The following DPP6 variants were observed in gnomAD, a reference collection of about 807,000 sequenced individuals.
DPP6 encodes dipeptidyl peptidase like 6.
In DPP6, 69 loss-of-function variants were observed where a neutral mutation model predicts 122.6. That is an observed-to-expected ratio of 0.56 (90% CI 0.46 to 0.69). DPP6 has a LOEUF of 0.69. DPP6 is among the 30% of genes least tolerant of loss of function. The probability of loss-of-function intolerance (pLI) is 0.00; values close to 1 mark genes in which losing one functional copy is unlikely to be tolerated. For missense variants in DPP6, 928 were observed against 1,116.9 expected, an observed-to-expected ratio of 0.83 and a Z score of 2.41; for synonymous variants, 418 against 433.1, an observed-to-expected ratio of 0.97 and a Z score of 0.43.
At chr7:153,918,565 A>ACT (rs1563006095) in intron 1 of DPP6, among the ~76,000 whole-genome samples, 1 of 57,614 alleles carries the variant, frequency 1.7e-5, no homozygotes, top group Admixed American at 2.3e-4. Flanking sequence ...ACACACACAC[A>ACT]GTCTCTCTCT....
intron 6 of DPP6, among the ~76,000 whole-genome samples, chr7:154,651,323 A>G (rs1363271413): frequency 1.3e-5 from 2 of 152,172 alleles, no homozygotes; most frequent in African/African-American, 4.8e-5. Flanking sequence ...CTATTAGACT[A>G]CATAAGAATT....
At chr7:153,928,061 A>G (rs1232317838) in intron 1 of DPP6, among the ~76,000 whole-genome samples, 3 of 152,096 alleles carry the variant, frequency 2.0e-5, no homozygotes, top group African/African-American at 4.8e-5. Flanking sequence ...ATGGTATAAC[A>G]TTAACAATAA....
At chr7:153,918,183 G>A (rs906590452) in intron 1 of DPP6, among the ~76,000 whole-genome samples, 20 of 152,100 alleles carry the variant, frequency 1.3e-4, no homozygotes, top group Admixed American at 8.5e-4. Flanking sequence ...AAATGATGGC[G>A]TCTTATTGGT....
At chr7:154,264,693 T>C (rs1803262002) in intron 1 of DPP6, among the ~76,000 whole-genome samples, 1 of 152,052 alleles carries the variant, frequency 6.6e-6, no homozygotes, top group Non-Finnish European at 1.5e-5. Context: ...GTGTTGATGA[T>C]GATGGTGATA....
intron 1 of DPP6, among the ~76,000 whole-genome samples, chr7:154,276,194 C>A (rs1211677999): frequency 2.0e-5 from 3 of 152,188 alleles, no homozygotes; most frequent in African/African-American, 7.2e-5. Flanking sequence ...CCTGTTAAAA[C>A]CCCATGCGTA....
chr7:154,863,740 G>A lies in DPP6; in HGVS notation c.1715-4255G>A, dbSNP rs1037659895. On this transcript the variant is annotated intron_variant, in intron 17 of 25. Coordinates refer to ENST00000377770, the MANE Select transcript of DPP6 (RefSeq NM_130797.4). The surrounding 1 kb of genome is among the most constrained non-coding windows in gnomAD (Gnocchi z 4.1). Reference sequence around the variant, plus strand: ...TAAGGTGGGAGGATTGCTTGAGCCCGGGTGTTCGAGGCTGCAGTGAGTTAT... The same window carrying A: ...TAAGGTGGGAGGATTGCTTGAGCCCAGGTGTTCGAGGCTGCAGTGAGTTAT... Among the ~76,000 whole-genome samples the A allele has an allele frequency of 2.0e-5, 3 of 151,852 alleles. No homozygotes were observed. Among genetic ancestry groups the A allele is most frequent in the African/African-American group, 2.4e-5 (1 of 41,356 alleles).
At chr7:154,367,947 C>G (rs1812322213) in intron 1 of DPP6, among the ~76,000 whole-genome samples, 2 of 152,158 alleles carry the variant, frequency 1.3e-5, no homozygotes, top group Non-Finnish European at 2.9e-5. Context: ...GCTGTGATTA[C>G]AGGCACCTGC....
intron 3 of DPP6, among the ~76,000 whole-genome samples, chr7:154,476,410 T>A (rs1001254096): frequency 6.6e-6 from 1 of 152,238 alleles, no homozygotes; most frequent in Non-Finnish European, 1.5e-5. Flanking sequence ...CACTGTATGT[T>A]CGTGTACACC....
chr7:154,239,694 T>A (rs904616006), intron 1 of DPP6, among the ~76,000 whole-genome samples: 7 of 151,886 alleles, frequency 4.6e-5, no homozygotes, highest in African/African-American at 1.7e-4. Context: ...AGGGCTGGGC[T>A]GGGCTCAATG....
intron 1 of DPP6, among the ~76,000 whole-genome samples, chr7:154,223,400 C>A (rs1041390189): frequency 2.0e-5 from 3 of 149,220 alleles, no homozygotes; most frequent in Admixed American, 1.3e-4. Context: ...ACTAATGATA[C>A]CCAGTCAGAG....
chr7:154,688,666 G>A (rs746845915), intron 7 of DPP6, among the ~76,000 whole-genome samples: 8 of 152,154 alleles, frequency 5.3e-5, no homozygotes, highest in Non-Finnish European at 8.8e-5. Context: ...GGCCAGCACT[G>A]GAGAAAGATG....
chr7:154,028,609 C>T (rs1427181182), intron 1 of DPP6, among the ~76,000 whole-genome samples: 2 of 151,806 alleles, frequency 1.3e-5, no homozygotes, highest in African/African-American at 4.9e-5. Context: ...TAGAAAGGAT[C>T]CCTGTGGCAA....
intron 10 of DPP6, among the ~76,000 whole-genome samples, chr7:154,778,603 C>T (rs558227780): frequency 6.6e-6 from 1 of 151,944 alleles, no homozygotes; most frequent in East Asian, 1.9e-4. Flanking sequence ...ACCTCTTCCC[C>T]AACCTTCACC....
intron 6 of DPP6, among the ~76,000 whole-genome samples, chr7:154,661,687 C>T (rs1837670478): frequency 6.9e-6 from 1 of 144,768 alleles, no homozygotes; most frequent in Non-Finnish European, 1.5e-5. Context: ...CGCTAGTATT[C>T]ATATAGTCAT....
At chr7:154,729,469 A>G (rs1222674936) in intron 8 of DPP6, among the ~76,000 whole-genome samples, 3 of 152,188 alleles carry the variant, frequency 2.0e-5, no homozygotes, top group Admixed American at 6.5e-5. Context: ...ATTTTTGTAA[A>G]TGGAGGTATA....
At chr7:154,579,146 C>T (rs113410384) in intron 5 of DPP6, among the ~76,000 whole-genome samples, 1,526 of 152,162 alleles carry the variant, frequency 0.01, 24 homozygotes, top group African/African-American at 0.035. Flanking sequence ...GTCAGGAGTT[C>T]GAGACCAGCC....
intron 1 of DPP6, among the ~76,000 whole-genome samples, chr7:154,102,278 C>T (rs575180219): frequency 1.2e-4 from 19 of 152,190 alleles, no homozygotes; most frequent in African/African-American, 4.3e-4. Context: ...CAACCTTTGC[C>T]TCCTGGGTTC....
In DPP6 at chr7:154,052,891, C is replaced by A; in HGVS notation, c.71C>A (p.Ala24Glu). ...AGGTCCTTCCCCGCGCCCCCGGAGG[C>A]GAGTCACCTCCTGGGCGGCCAGGGG... ...TSRSFPAPPE[A>E]SHLLGGQGPE... The change falls in exon 1 of 26, where the codon GCG becomes GAG. Residue 24 changes from alanine (A) to glutamate (E), a missense_variant. Coordinates refer to ENST00000377770, the MANE Select transcript of DPP6 (RefSeq NM_130797.4). This position sits in a 1 kb window ranked among gnomAD's most constrained non-coding sequence, Gnocchi z 4.8. 2 of 1,528,726 alleles carry A rather than the reference C, an allele frequency of 1.3e-6. No individual in the cohort carries two copies. The highest frequency in any genetic ancestry group is 8.8e-7 in the Non-Finnish European group (1 of 1,138,192). 94.7% of individuals were successfully genotyped at this position (1,528,726 alleles called of 1,614,324 possible). A position where few individuals can be genotyped will look rare whatever the true frequency, so the allele number is the denominator to read the frequency against.
chr7:154,422,822 G>C (rs1006784946), intron 1 of DPP6, among the ~76,000 whole-genome samples: 1 of 152,148 alleles, frequency 6.6e-6, no homozygotes, highest in Admixed American at 6.5e-5. Context: ...TAGAGTATCG[G>C]CCAGGCAACA....
Sources: allele counts gnomAD v4.1 joint callset (sites outside exome capture counted in the v4.1 genomes callset), GRCh38; gene constraint gnomAD v4.1.1; non-coding constraint Gnocchi (gnomAD v3.1); transcripts MANE v1.5; gene names NCBI Gene and HGNC (gene_info 2026-07-23, HGNC 2026-07-21).